ATXN2L: variants seen among roughly 807,000 people sequenced by gnomAD.
ATXN2L encodes ataxin-2-like protein.
Under a neutral mutation model 120.7 loss-of-function variants are expected in ATXN2L, and 24 were observed. The ratio of observed to expected loss-of-function variants is 0.20; its 90% CI spans 0.14 to 0.28. The LOEUF (loss-of-function observed/expected upper bound fraction) is 0.28, where lower values mean the gene tolerates loss of function less well. Ranked by LOEUF, ATXN2L falls within the 10% of genes least tolerant of loss-of-function variation. The probability of loss-of-function intolerance (pLI) is 1.00; values close to 1 mark genes in which losing one functional copy is unlikely to be tolerated. For missense variants in ATXN2L, 1,312 were observed against 1,432.3 expected (o/e 0.92, Z 1.36); for synonymous variants, 653 against 568.1 (o/e 1.15, Z -2.13).
At position 28,826,452 on chromosome 16, in the gene ATXN2L, G is replaced by A. The variant is rs1246031313; in HGVS notation, c.616+62G>A. 8 of 1,549,772 alleles carry A rather than the reference G, an allele frequency of 5.2e-6. No homozygotes were observed. In the Admixed American group the frequency reaches 1.2e-4, roughly 23 times the overall value. On this transcript the variant is annotated intron_variant, in intron 5 of 21. Transcript: ENST00000336783. ...GTGCATAGAGGACAGAGGGTAGTTT[G>A]TGTGCAGGTGGAACATGGTGATGTG...
Position 28,829,895 on chromosome 16 carries a change from C to A in ATXN2L, c.871C>A (p.Gln291Lys). 1 of 1,614,236 alleles carries A rather than the reference C, an allele frequency of 6.2e-7. No individual in the cohort carries two copies. Among genetic ancestry groups the A allele is most frequent in the South Asian group, 1.1e-5 (1 of 91,088 alleles). ...LEKDNSEEFR[Q>K]RELRAAQLAR... ...AAAGGACAACTCAGAAGAGTTTCGT[C>A]AGCGAGAGCTGCGTGCGGCCCAGTT... Residue 291 changes from glutamine (Q) to lysine (K), a missense_variant, in exon 8 of 22, where the codon CAG becomes AAG. Transcript: ENST00000336783.
chr16:28,834,486 C>T lies in ATXN2L; in HGVS notation c.2246-20C>T. The T allele has an allele frequency of 6.2e-7, 1 of 1,612,780 alleles. No homozygotes were observed. The highest frequency in any genetic ancestry group is 8.5e-7 in the Non-Finnish European group (1 of 1,179,616). ...ACTGGCAGGTGGAGCTTGAGCTCTC[C>T]TCTCCTCCTCCTCTTCCAGGCTCCC... On this transcript the variant is annotated intron_variant, in intron 17 of 21. Coordinates refer to ENST00000336783, the MANE Select transcript of ATXN2L (RefSeq NM_007245.4).
chr16:28,825,562 G>A, intron 2 of ATXN2L, 62 bp from the exon 3 acceptor site: 2 of 1,580,672 alleles, frequency 1.3e-6, no homozygotes, highest in Admixed American at 1.7e-5. Context: ...CGGGCATTTA[G>A]AAAAGAAAAT....
rs1221532739 is a variant in ATXN2L, at chr16:28,823,454, C to A, written c.195C>A (p.Ala65=). ...CCTGCCTGGGGCCTGTGGCCGCTGCCGGGAGCGGGCTCCGCCGGGGAGCCG... is the reference window on the plus strand; with the variant it reads ...CCTGCCTGGGGCCTGTGGCCGCTGCAGGGAGCGGGCTCCGCCGGGGAGCCG... ...ASPCLGPVAA[A]GSGLRRGAEG... is the part of the protein sequence containing the mutation. Residue 65 remains alanine, a synonymous_variant, in exon 1 of 22, where the codon GCC becomes GCA. Coordinates refer to ENST00000336783, the MANE Select transcript of ATXN2L (RefSeq NM_007245.4). The A allele has an allele frequency of 3.0e-6, 4 of 1,329,350 alleles. No homozygotes were observed. The highest frequency in any genetic ancestry group is 3.8e-6 in the Non-Finnish European group (4 of 1,045,726). 82.3% of individuals were successfully genotyped at this position (1,329,350 alleles called of 1,614,324 possible).
intron 21 of ATXN2L, 64 bp from the exon 22 acceptor site, chr16:28,835,867 ACT>A (rs1363978869): frequency 9.5e-6 from 15 of 1,574,220 alleles, no homozygotes; most frequent in East Asian, 6.8e-5. Flanking sequence ...GTGCTCCCTA[ACT>A]CTGGCTCTCA....
At chr16:28,832,667 T>C in intron 12 of ATXN2L, 100 bp downstream of exon 12, 3 of 1,420,866 alleles carry the variant, frequency 2.1e-6, no homozygotes, top group Admixed American at 3.6e-5. Flanking sequence ...AAACAATGTC[T>C]ATCAGTCCTT....
intron 15 of ATXN2L, 159 bp from the exon 16 acceptor site, chr16:28,833,906 A>G: frequency 1.2e-6 from 1 of 826,566 alleles, no homozygotes; most frequent in Admixed American, 2.9e-5. Context: ...ACTTTAGAAT[A>G]CTCATCTCCT....
Position 28,826,283 on chromosome 16 carries a change from C to T in ATXN2L, c.509C>T (p.Pro170Leu). Residue 170 changes from proline to leucine, a missense_variant, in exon 5 of 22, where the codon CCA becomes CTA. Transcript: ENST00000336783. The stretch of plus-strand genomic sequence containing the variant: ...GCTGTGCACCGGAAAGCATCTGAGC[C>T]AGCAGGTGGCCCTCGTCGGGAGGAC... ...VDAVHRKASE[P>L]AGGPRREDIV... 1 of 1,614,190 alleles carries T rather than the reference C, an allele frequency of 6.2e-7. No homozygotes were observed. The highest frequency in any genetic ancestry group is 8.5e-7 in the Non-Finnish European group (1 of 1,180,048).
chr16:28,825,865 T>G, intron 4 of ATXN2L, 24 bp downstream of exon 4: 1 of 1,598,046 alleles, frequency 6.3e-7, no homozygotes, highest in Non-Finnish European at 8.6e-7. Flanking sequence ...AATTTAATTA[T>G]TTTTGGAGTT....
intron 15 of ATXN2L, 176 bp from the exon 16 acceptor site, chr16:28,833,889 A>C: frequency 9.0e-6 from 7 of 780,440 alleles, no homozygotes; most frequent in Non-Finnish European, 1.4e-5. Flanking sequence ...TCTCTGCCTC[A>C]CCTGTAACTT....
chr16:28,824,221 AG>A, intron 1 of ATXN2L: 4 of 1,091,244 alleles, frequency 3.7e-6, no homozygotes, highest in Non-Finnish European at 4.5e-6. Context: ...GGCAGGGACT[AG>A]TTCGTGGAGG....
At position 28,832,240 on chromosome 16, in the gene ATXN2L, G is replaced by T; in HGVS notation, c.1357G>T (p.Ala453Ser). ...RMYPPRSPKS[A>S]APAPISASCP... Reference sequence around the variant, plus strand: ...GTATCCCCCGCGTTCTCCCAAGTCTGCTGCCCCTGCCCCAATCTCAGCTTC... The same window carrying T: ...GTATCCCCCGCGTTCTCCCAAGTCTTCTGCCCCTGCCCCAATCTCAGCTTC... Residue 453 changes from alanine to serine, a missense_variant, in exon 11 of 22, where the codon GCT (alanine) becomes TCT (serine). Transcript: ENST00000336783. 1 of 1,614,108 alleles carries T rather than the reference G, an allele frequency of 6.2e-7. No homozygotes were observed. Among genetic ancestry groups the T allele is most frequent in the Non-Finnish European group, 8.5e-7 (1 of 1,180,028 alleles).
Position 28,834,576 on chromosome 16 carries a change from G to T in ATXN2L, c.2316G>T (p.Ala772=). ...CCCCGCCGATGATGCAGGCCGCCGC[G>T]GCTGCTGGCCCGCCTCTGGTGGCTG... ...ASAPPMMQAA[A]AAGPPLVAAT... The change falls in exon 18 of 22, where the codon GCG becomes GCT. Residue 772 remains alanine, a synonymous_variant. Coordinates refer to ENST00000336783, the MANE Select transcript of ATXN2L (RefSeq NM_007245.4). 3 of 1,612,866 alleles carry T rather than the reference G, an allele frequency of 1.9e-6. No homozygotes were observed. The highest frequency in any genetic ancestry group is 2.5e-6 in the Non-Finnish European group (3 of 1,179,856).
In ATXN2L at chr16:28,835,394, G is replaced by A. The variant is rs1322778280; in HGVS notation, c.2680G>A (p.Val894Ile). Residue 894 changes from valine to isoleucine, a missense_variant, in exon 20 of 22, where the codon GTC becomes ATC. Physicochemically the swap from Val to Ile is conservative, Grantham distance 29. Coordinates refer to ENST00000336783, the MANE Select transcript of ATXN2L (RefSeq NM_007245.4). ...GTCCCAGCATGCGGCCCCCAGTCCTGTCCAGGTGCCTGCCATGGGGGGTGC... is the reference window on the plus strand; with the variant it reads ...GTCCCAGCATGCGGCCCCCAGTCCTATCCAGGTGCCTGCCATGGGGGGTGC... ...PQSQHAAPSP[V>I]QHQAGQAPHL... 22 of 1,612,810 alleles carry A rather than the reference G, an allele frequency of 1.4e-5. No individual in the cohort carries two copies. The highest frequency in any genetic ancestry group is 1.8e-5 in the Non-Finnish European group (21 of 1,179,938).
At position 28,836,434 on chromosome 16, in the gene ATXN2L, C is replaced by T; in HGVS notation, c.*169C>T. 1 of 1,613,472 alleles carries T rather than the reference C, an allele frequency of 6.2e-7. No individual in the cohort carries two copies. Among genetic ancestry groups the T allele is most frequent in the Non-Finnish European group, 8.5e-7 (1 of 1,179,940 alleles). On this transcript the variant is annotated 3_prime_UTR_variant, in exon 22 of 22. Transcript: ENST00000336783. The stretch of plus-strand genomic sequence containing the variant: ...AGTTGTGATCCAGCAGCCCCCCTCC[C>T]CACTGCCTCCCCAGCTCTCAGTGAC...
rs1327476397 is a variant in ATXN2L, at chr16:28,830,780, T to C, written c.1200T>C (p.Gly400=). 6.2e-7 allele frequency: 1 copy of C among 1,601,370 alleles called. No homozygotes were observed. The highest frequency in any genetic ancestry group is 8.5e-7 in the Non-Finnish European group (1 of 1,174,980). ...SSPGPGSEAR[G]INGGPSRMSP... is the part of the protein sequence containing the mutation. ...CTGGCCCAGGTTCTGAGGCCCGTGG[T>C]ATCAATGGAGGTGAGTTATGAGGTG... Residue 400 remains glycine (G), a synonymous_variant, in exon 9 of 22, where the codon GGT becomes GGC. Transcript: ENST00000336783.
chr16:28,828,185 A>C (rs1028312703), intron 6 of ATXN2L, among the ~76,000 whole-genome samples: 1 of 152,194 alleles, frequency 6.6e-6, no homozygotes, highest in African/African-American at 2.4e-5. Flanking sequence ...TTCCCCACGC[A>C]CATGTGCCAG....
At chr16:28,826,612 T>A in intron 5 of ATXN2L, 1 of 596,162 alleles carries the variant, frequency 1.7e-6, no homozygotes, top group African/African-American at 1.9e-5. Flanking sequence ...CCTGTCTGTG[T>A]TGTGGTTCTT....
At chr16:28,823,684 T>C in intron 1 of ATXN2L, 126 bp downstream of exon 1, 1 of 1,011,682 alleles carries the variant, frequency 9.9e-7, no homozygotes, top group South Asian at 3.8e-5. Flanking sequence ...CCCGTGAAGC[T>C]GGGGGAGGGC....
Sources: allele counts gnomAD v4.1 joint callset (sites outside exome capture counted in the v4.1 genomes callset), GRCh38; gene constraint gnomAD v4.1.1; transcripts MANE v1.5; gene names NCBI Gene and HGNC (gene_info 2026-07-23, HGNC 2026-07-21).